Variants in NCAM2 observed in about 807,000 individuals in gnomAD.
NCAM2 encodes the protein N-CAM-2.
Under a neutral mutation model 98.1 loss-of-function variants are expected in NCAM2, and 30 were observed. The ratio of observed to expected loss-of-function variants is 0.31; its 90% CI spans 0.23 to 0.41. The LOEUF is 0.41. Among genes scored for constraint, NCAM2 ranks in the 10% least tolerant of loss-of-function variants. NCAM2 has a pLI of 1.00. For missense variants in NCAM2, 867 were observed against 1,005.8 expected (o/e 0.86, Z 1.87); for synonymous variants, 368 against 342.4 (o/e 1.07, Z -0.83).
chr21:21,154,078 C>A (rs1233562943), intron 1 of NCAM2, among the ~76,000 whole-genome samples: 1 of 151,786 alleles, frequency 6.6e-6, no homozygotes, highest in East Asian at 1.9e-4. Flanking sequence ...GAGATGCCTG[C>A]TGCATGTTCA....
intron 1 of NCAM2, among the ~76,000 whole-genome samples, chr21:21,106,722 T>C (rs913851400): frequency 8.0e-5 from 12 of 150,680 alleles, no homozygotes; most frequent in African/African-American, 2.9e-4. Context: ...TGATCATTAA[T>C]AAAAAAAAAT....
chr21:21,510,343 C>T (rs1988285455), intron 16 of NCAM2, among the ~76,000 whole-genome samples: 1 of 152,072 alleles, frequency 6.6e-6, no homozygotes, highest in African/African-American at 2.4e-5. Flanking sequence ...TCCAGTCCAC[C>T]CACATTAACC....
chr21:21,116,550 A>G (rs1025577024), intron 1 of NCAM2, among the ~76,000 whole-genome samples: 5 of 152,214 alleles, frequency 3.3e-5, no homozygotes, highest in African/African-American at 4.8e-5. Flanking sequence ...CATAGTAGGT[A>G]CTCAAGAAAT....
At position 21,534,524 on chromosome 21, in the gene NCAM2, T is replaced by C. The variant is rs751128613; in HGVS notation, c.2283-13T>C. 8.9e-6 allele frequency: 14 copies of C among 1,571,348 alleles called. No homozygotes were observed. In the East Asian group the frequency reaches 2.8e-4, roughly 31 times the overall value. On this transcript the variant is annotated splice_polypyrimidine_tract_variant and intron_variant, in intron 16 of 17. Transcript: ENST00000400546. ...AAATTACACAGGTGAGATGTTTCTC[T>C]TTATGTTTCTAGGAAAGATGGATCA...
At chr21:21,113,371 A>G (rs2066491616) in intron 1 of NCAM2, among the ~76,000 whole-genome samples, 1 of 152,228 alleles carries the variant, frequency 6.6e-6, no homozygotes, top group Non-Finnish European at 1.5e-5. Flanking sequence ...GTCCGTCAAG[A>G]GGCAGTAAAA....
At chr21:21,074,933 A>G (rs2146379800) in intron 1 of NCAM2, among the ~76,000 whole-genome samples, 1 of 152,292 alleles carries the variant, frequency 6.6e-6, no homozygotes, top group African/African-American at 2.4e-5. Context: ...ACTTGGAACT[A>G]ACCCAAATGC....
At chr21:21,122,926 C>A (rs185940956) in intron 1 of NCAM2, among the ~76,000 whole-genome samples, 1 of 152,156 alleles carries the variant, frequency 6.6e-6, no homozygotes, top group Admixed American at 6.5e-5. Context: ...TTGTGAGAAA[C>A]AAATCCAGCA....
chr21:21,407,136 G>T (rs897916220), intron 9 of NCAM2, among the ~76,000 whole-genome samples: 1 of 152,164 alleles, frequency 6.6e-6, no homozygotes, highest in Non-Finnish European at 1.5e-5. Flanking sequence ...TTCAGATGGT[G>T]CTATGCAAGA....
At chr21:21,233,140 G>T (rs1310095303) in intron 1 of NCAM2, among the ~76,000 whole-genome samples, 1 of 151,546 alleles carries the variant, frequency 6.6e-6, no homozygotes, top group East Asian at 1.9e-4. Context: ...GCAGGAGAAA[G>T]AAGATTGATA....
intron 1 of NCAM2, among the ~76,000 whole-genome samples, chr21:21,065,740 G>C (rs1046894258): frequency 6.6e-6 from 1 of 152,090 alleles, no homozygotes; most frequent in Admixed American, 6.6e-5. Flanking sequence ...GAAGTGCTTC[G>C]TTATTTTGAT....
intron 1 of NCAM2, among the ~76,000 whole-genome samples, chr21:20,999,007 G>A (rs1041543191): frequency 6.6e-6 from 1 of 152,108 alleles, no homozygotes; most frequent in Non-Finnish European, 1.5e-5. Context: ...TTTTACAGAA[G>A]CAGCAAAAAC....
chr21:21,410,147 A>T (rs1316327469), intron 9 of NCAM2, 127 bp from the exon 10 acceptor site: 1 of 601,958 alleles, frequency 1.7e-6, no homozygotes, highest in Non-Finnish European at 2.5e-6. Context: ...AGAAAAAAAA[A>T]AAATACACGA....
intron 1 of NCAM2, among the ~76,000 whole-genome samples, chr21:21,155,382 A>T (rs917276807): frequency 1.3e-5 from 2 of 151,720 alleles, no homozygotes; most frequent in Non-Finnish European, 2.9e-5. Context: ...AGCTCATTAC[A>T]ATGTTAAAAT....
intron 6 of NCAM2, among the ~76,000 whole-genome samples, chr21:21,331,509 CTCTCTCTCTATATA>C (rs1238793303): frequency 8.0e-4 from 4 of 5,018 alleles, no homozygotes; most frequent in Non-Finnish European, 1.2e-3. Context: ...ACTCTATACT[CTCTCTCTCTATATA>C]TATATATATA....
intron 1 of NCAM2, among the ~76,000 whole-genome samples, chr21:21,264,115 C>T (rs955450703): frequency 6.6e-6 from 1 of 151,996 alleles, no homozygotes; most frequent in Non-Finnish European, 1.5e-5. Flanking sequence ...GATTGATACC[C>T]AGAATCTATA....
At chr21:21,032,493 TG>T (rs2064706297) in intron 1 of NCAM2, among the ~76,000 whole-genome samples, 1 of 152,178 alleles carries the variant, frequency 6.6e-6, no homozygotes. Context: ...TTATTGTAAT[TG>T]CCAGAAGCAC....
intron 1 of NCAM2, among the ~76,000 whole-genome samples, chr21:21,265,604 T>G (rs1434190952): frequency 6.6e-6 from 1 of 150,950 alleles, no homozygotes; most frequent in Non-Finnish European, 1.5e-5. Context: ...TGCAGTCATG[T>G]CCTTCACAGT....
At chr21:21,482,846 A>G (rs938347380) in intron 15 of NCAM2, among the ~76,000 whole-genome samples, 29 of 151,974 alleles carry the variant, frequency 1.9e-4, no homozygotes, top group Non-Finnish European at 3.5e-4. Flanking sequence ...TGGAGTTTCC[A>G]TAATCAATCG....
chr21:21,234,473 A>G (rs1033593704), intron 1 of NCAM2, among the ~76,000 whole-genome samples: 2 of 151,952 alleles, frequency 1.3e-5, no homozygotes, highest in East Asian at 1.9e-4. Context: ...ATAGGAAAGA[A>G]TTTAAATTAA....
Sources: gnomAD v4.1 joint callset for allele counts (sites outside exome capture counted in the v4.1 genomes callset) on GRCh38, gnomAD v4.1.1 for gene constraint, MANE v1.5 for transcripts, NCBI Gene and HGNC (gene_info 2026-07-23, HGNC 2026-07-21) for gene names.